RB1: variants seen among roughly 807,000 people sequenced by gnomAD.
The protein encoded by RB1 is retinoblastoma-associated protein.
Under a neutral mutation model 135.4 loss-of-function variants are expected in RB1, and 18 were observed. That is an observed-to-expected ratio of 0.13 (90% CI 0.09 to 0.20). The LOEUF (loss-of-function observed/expected upper bound fraction) is 0.20, where lower values mean the gene tolerates loss of function less well. Among genes scored for constraint, RB1 ranks in the 10% least tolerant of loss-of-function variants. The pLI, the probability that RB1 is intolerant of heterozygous loss-of-function variation, is 1.00. For missense variants in RB1, 868 were observed against 1,110.0 expected, an observed-to-expected ratio of 0.78 and a Z score of 3.10; for synonymous variants, 365 against 373.2, an observed-to-expected ratio of 0.98 and a Z score of 0.25.
At chr13:48,390,686 A>G (rs921163890) in intron 17 of RB1, among the ~76,000 whole-genome samples, 1 of 152,120 alleles carries the variant, frequency 6.6e-6, no homozygotes, top group Non-Finnish European at 1.5e-5. Context: ...TGATGAATTT[A>G]CCTCTTTAAT....
intron 17 of RB1, chr13:48,416,680 C>T (rs1242177241): frequency 2.0e-5 from 3 of 152,306 alleles, no homozygotes; most frequent in African/African-American, 7.2e-5. Flanking sequence ...AGCTAAGATC[C>T]ACTGGCTTGA....
At chr13:48,447,007 G>C (rs1949292529) in intron 17 of RB1, among the ~76,000 whole-genome samples, 1 of 152,212 alleles carries the variant, frequency 6.6e-6, no homozygotes. Flanking sequence ...TGCTTTTGCA[G>C]TGGGACAGAA....
At chr13:48,352,427 A>T (rs1952556377) in intron 6 of RB1, among the ~76,000 whole-genome samples, 1 of 151,398 alleles carries the variant, frequency 6.6e-6, no homozygotes, top group African/African-American at 2.4e-5. Flanking sequence ...AATAGCCTTG[A>T]ATCTGTAATT....
intron 3 of RB1, among the ~76,000 whole-genome samples, chr13:48,343,415 A>T (rs1952464662): frequency 6.6e-6 from 1 of 152,184 alleles, no homozygotes; most frequent in African/African-American, 2.4e-5. Flanking sequence ...TTGATATTTT[A>T]TTTAAACGAG....
At chr13:48,414,048 A>T (rs1948864709) in intron 17 of RB1, among the ~76,000 whole-genome samples, 1 of 152,182 alleles carries the variant, frequency 6.6e-6, no homozygotes, top group Non-Finnish European at 1.5e-5. Flanking sequence ...TTTATATTTA[A>T]AGTATACTCA....
chr13:48,476,920 G>A (rs2138360015), intron 25 of RB1, 77 bp downstream of exon 25: 1 of 1,549,918 alleles, frequency 6.5e-7, no homozygotes, highest in South Asian at 1.1e-5. Flanking sequence ...ACTGCTCCTG[G>A]CTTATACCAA....
chr13:48,409,149 T>C (rs192470014), intron 17 of RB1, among the ~76,000 whole-genome samples: 285 of 148,944 alleles, frequency 1.9e-3, no homozygotes, highest in Admixed American at 4.6e-3. Context: ...TTTTCTTTTC[T>C]CTTTTTTTTT....
At chr13:48,358,871 C>A (rs576493085) in intron 6 of RB1, among the ~76,000 whole-genome samples, 2 of 152,170 alleles carry the variant, frequency 1.3e-5, no homozygotes, top group South Asian at 4.1e-4. Flanking sequence ...CTGACTTCAC[C>A]GTTTTTACCT....
intron 7 of RB1, 181 bp downstream of exon 7, chr13:48,360,308 G>A (rs1952627715): frequency 1.5e-6 from 2 of 1,351,844 alleles, no homozygotes; most frequent in South Asian, 1.5e-5. Flanking sequence ...CAAATGATTA[G>A]AGTATATGGT....
intron 17 of RB1, among the ~76,000 whole-genome samples, chr13:48,434,452 C>G (rs1283105914): frequency 1.3e-5 from 2 of 152,136 alleles, no homozygotes; most frequent in South Asian, 4.1e-4. Flanking sequence ...TTTTATCCAA[C>G]AAGCCTAAGA....
chr13:48,477,451 C>T, intron 26 of RB1, 47 bp downstream of exon 26: 7 of 1,433,148 alleles, frequency 4.9e-6, no homozygotes, highest in Admixed American at 1.7e-5. Context: ...CAATTGTTTA[C>T]ACTGCAAGAA....
intron 17 of RB1, among the ~76,000 whole-genome samples, chr13:48,421,247 C>T (rs1278303002): frequency 1.3e-5 from 2 of 151,718 alleles, no homozygotes; most frequent in Non-Finnish European, 3.0e-5. Context: ...ACAACCATCT[C>T]ATCTTTGACA....
rs140908224 is a variant in RB1, at chr13:48,396,642, C to T, written c.1695+15199C>T. ...CAATGGCAACAAAAGCCAAAATTGACGAATGGGATCTAATTAAACTAAAGA... is the reference window on the plus strand; with the variant it reads ...CAATGGCAACAAAAGCCAAAATTGATGAATGGGATCTAATTAAACTAAAGA... On this transcript the variant is annotated intron_variant, in intron 17 of 26. Coordinates refer to ENST00000267163, the MANE Select transcript of RB1 (RefSeq NM_000321.3). Among the ~76,000 whole-genome samples the T allele has an allele frequency of 0.012, 1,766 of 152,216 alleles. 66 individuals carry two copies. In the East Asian group the frequency reaches 0.12, roughly 10 times the overall value.
At chr13:48,456,065 C>T in intron 18 of RB1, 139 bp from the exon 19 acceptor site, 1 of 1,440,196 alleles carries the variant, frequency 6.9e-7, no homozygotes, top group Non-Finnish European at 9.2e-7. Flanking sequence ...ATATATCTTT[C>T]CCAGCTTGCA....
At chr13:48,454,546 C>T (rs1474537288) in intron 18 of RB1, among the ~76,000 whole-genome samples, 3 of 152,166 alleles carry the variant, frequency 2.0e-5, no homozygotes, top group African/African-American at 4.8e-5. Context: ...GGTCCTTCCC[C>T]TCATAGAGCT....
At chr13:48,441,886 G>C (rs940373529) in intron 17 of RB1, among the ~76,000 whole-genome samples, 1 of 152,040 alleles carries the variant, frequency 6.6e-6, no homozygotes, top group African/African-American at 2.4e-5. Context: ...TTTAATTATA[G>C]GACCTATTTA....
intron 18 of RB1, among the ~76,000 whole-genome samples, chr13:48,454,591 G>A (rs1453303240): frequency 6.6e-6 from 1 of 152,184 alleles, no homozygotes; most frequent in Non-Finnish European, 1.5e-5. Flanking sequence ...CAATGAACAA[G>A]TAAACCAAGA....
intron 2 of RB1, among the ~76,000 whole-genome samples, chr13:48,323,046 A>C (rs1437737533): frequency 6.6e-6 from 1 of 152,052 alleles, no homozygotes; most frequent in African/African-American, 2.4e-5. Context: ...ATGGACTGGG[A>C]AGTGTTCCCT....
chr13:48,317,108 T>C, intron 2 of RB1: 1 of 907,156 alleles, frequency 1.1e-6, no homozygotes, highest in Non-Finnish European at 1.5e-6. Context: ...CCAGCAAGTG[T>C]GGGCTTCCAA....
Sources: gnomAD v4.1 joint callset for allele counts (sites outside exome capture counted in the v4.1 genomes callset) on GRCh38, gnomAD v4.1.1 for gene constraint, MANE v1.5 for transcripts, NCBI Gene and HGNC (gene_info 2026-07-23, HGNC 2026-07-21) for gene names.